The following PCLO variants were observed in gnomAD, a reference collection of about 807,000 sequenced individuals.
PCLO encodes the protein protein piccolo.
In PCLO, 82 loss-of-function variants were observed where a neutral mutation model predicts 427.5. The ratio of observed to expected loss-of-function variants is 0.19; its 90% CI spans 0.16 to 0.23. PCLO has a LOEUF of 0.23. Among genes scored for constraint, PCLO ranks in the 10% least tolerant of loss-of-function variants. The pLI is 1.00. For synonymous variants in PCLO, 2,357 were observed against 2,155.4 expected (o/e 1.09, Z -2.59); for missense variants, 6,239 against 6,115.9 (o/e 1.02, Z -0.67).
At chr7:83,151,536 C>G (rs1427178356) in intron 2 of PCLO, among the ~76,000 whole-genome samples, 1 of 152,182 alleles carries the variant, frequency 6.6e-6, no homozygotes, top group African/African-American at 2.4e-5. Context: ...CAAGTTTATT[C>G]AGTCAATAAG....
Position 82,757,098 on chromosome 7 carries a change from T to C in PCLO, c.*1477A>G, listed in dbSNP as rs1203809174. 1.3e-5 allele frequency: 2 copies of C among 152,110 alleles called. No homozygotes were observed. Among genetic ancestry groups the C allele is most frequent in the African/African-American group, 4.8e-5 (2 of 41,444 alleles). The allele number at this position is 152,110 out of a possible 1,614,324, so 9.4% of individuals were successfully genotyped here. On this transcript the variant is annotated 3_prime_UTR_variant, in exon 25 of 25. Coordinates refer to ENST00000333891, the MANE Select transcript of PCLO (RefSeq NM_033026.6). Reference sequence around the variant, plus strand: ...CATTTGGAAGGTTAAGAATATATAATTGTTTTTATCCTATAGATAAGAAAA... The same window carrying C: ...CATTTGGAAGGTTAAGAATATATAACTGTTTTTATCCTATAGATAAGAAAA...
intron 3 of PCLO, among the ~76,000 whole-genome samples, chr7:82,979,004 T>C (rs575442998): frequency 8.7e-4 from 133 of 152,200 alleles, no homozygotes; most frequent in South Asian, 2.7e-3. Flanking sequence ...ATATCAGTTA[T>C]AGAATTTAGG....
intron 10 of PCLO, among the ~76,000 whole-genome samples, chr7:82,862,703 A>G (rs1049644226): frequency 9.9e-5 from 15 of 152,042 alleles, no homozygotes; most frequent in Non-Finnish European, 1.9e-4. Flanking sequence ...CATTTGTAAC[A>G]ACATGGATGG....
intron 18 of PCLO, among the ~76,000 whole-genome samples, 168 bp downstream of exon 18, chr7:82,826,421 G>C (rs1246585476): frequency 6.6e-6 from 1 of 152,078 alleles, no homozygotes; most frequent in African/African-American, 2.4e-5. Flanking sequence ...ACCATTTCTT[G>C]AATTGGTATT....
chr7:83,040,524 A>G (rs1055214137), intron 3 of PCLO, among the ~76,000 whole-genome samples: 1 of 152,160 alleles, frequency 6.6e-6, no homozygotes, highest in African/African-American at 2.4e-5. Flanking sequence ...GATGGTTCCC[A>G]AGGACAATGT....
rs1409533931 is a variant in PCLO, at chr7:82,956,270, T to A, written c.4683A>T (p.Ile1561=). 3 of 1,612,328 alleles carry A rather than the reference T, an allele frequency of 1.9e-6. No individual in the cohort carries two copies. Among genetic ancestry groups the A allele is most frequent in the Non-Finnish European group, 2.5e-6 (3 of 1,179,876 alleles). The change falls in exon 5 of 25, where the codon ATA becomes ATT. Residue 1561 remains isoleucine (I), a synonymous_variant. Coordinates refer to ENST00000333891, the MANE Select transcript of PCLO (RefSeq NM_033026.6). ...AAGCATCTTCATCAGCACTCATTTC[T>A]ATGATTTGTTTTCGAATGAAGTCCT... ...EEEDFIRKQI[I]EMSADEDASG... is the part of the protein sequence containing the mutation.
chr7:82,942,870 T>A (rs938232323), intron 6 of PCLO, among the ~76,000 whole-genome samples: 1 of 152,050 alleles, frequency 6.6e-6, no homozygotes, highest in Non-Finnish European at 1.5e-5. Flanking sequence ...ATATGATTAT[T>A]TTTTTCTGAC....
chr7:82,971,822 A>C (rs1384124404), intron 3 of PCLO, among the ~76,000 whole-genome samples: 1 of 150,898 alleles, frequency 6.6e-6, no homozygotes, highest in East Asian at 1.9e-4. Context: ...CAAAATATAG[A>C]TGCTTAAGGA....
chr7:82,933,022 T>A (rs2116346632), intron 6 of PCLO, among the ~76,000 whole-genome samples: 1 of 152,150 alleles, frequency 6.6e-6, no homozygotes, highest in East Asian at 1.9e-4. Flanking sequence ...AAGAGACAGT[T>A]AGTTGGTACA....
chr7:83,037,683 T>C (rs1327708149), intron 3 of PCLO, among the ~76,000 whole-genome samples: 1 of 151,422 alleles, frequency 6.6e-6, no homozygotes, highest in Admixed American at 6.6e-5. Context: ...ATCCTGGGGC[T>C]CTAGCTTCCT....
Position 82,800,071 on chromosome 7 carries a change from C to T in PCLO, c.15007+1447G>A, listed in dbSNP as rs190174933. 1.3e-3 allele frequency among the ~76,000 whole-genome samples: 193 copies of T among 152,004 alleles called. 1 individual carries two copies. Among genetic ancestry groups the T allele is most frequent in the African/African-American group, 4.6e-3 (191 of 41,456 alleles). On this transcript the variant is annotated intron_variant, in intron 22 of 24. Transcript: ENST00000333891. The stretch of plus-strand genomic sequence containing the variant: ...GAGTTCATGAGTGTACACAGAGATA[C>T]GGTAGGTAAAAAGATTGGTAGATTG...
chr7:83,038,016 TA>T (rs1562932852), intron 3 of PCLO, among the ~76,000 whole-genome samples: 2,009 of 54,090 alleles, frequency 0.037, 443 homozygotes, highest in African/African-American at 0.18. Flanking sequence ...TATATATATA[TA>T]TATATATATA....
chr7:83,158,848 A>C (rs1792365083), intron 1 of PCLO, among the ~76,000 whole-genome samples: 2 of 152,158 alleles, frequency 1.3e-5, no homozygotes, highest in South Asian at 4.1e-4. Context: ...AATAAAAGTA[A>C]AACACAGAGA....
chr7:82,778,423 C>G (rs1417153669), intron 22 of PCLO, among the ~76,000 whole-genome samples: 1 of 152,072 alleles, frequency 6.6e-6, no homozygotes. Context: ...GGTATATACT[C>G]AAAGGAATAT....
chr7:83,153,305 G>C (rs531349078), intron 2 of PCLO, among the ~76,000 whole-genome samples: 14 of 151,516 alleles, frequency 9.2e-5, no homozygotes, highest in African/African-American at 3.4e-4. Flanking sequence ...ATTAATTGTA[G>C]TTTTATAAGT....
chr7:82,916,236 T>G lies in PCLO; in HGVS notation c.11750A>C (p.Gln3917Pro). ...SHFEQQTLYH[Q>P]QVSPYQTQPT... ...CTGAGTCTGATAAGGTGAAACTTGC[T>G]GATGGTACAAAGTTTGTTGCTCAAA... The change falls in exon 7 of 25, where the codon CAG becomes CCG. Residue 3917 changes from glutamine (Q) to proline (P), a missense_variant. Gln to Pro is a moderately conservative substitution (Grantham distance 76). Coordinates refer to ENST00000333891, the MANE Select transcript of PCLO (RefSeq NM_033026.6). 2 of 1,613,728 alleles carry G rather than the reference T, an allele frequency of 1.2e-6. No individual in the cohort carries two copies. The highest frequency in any genetic ancestry group is 1.7e-4 in the Middle Eastern group (1 of 6,060).
Position 82,952,034 on chromosome 7 carries a change from G to C in PCLO, c.8919C>G (p.His2973Gln). ...ATGGCCCTGATCGATCATACTGATA[G>C]TGGTCATCCCTATAACCAAAACGAT... ...PEDRFGYRDD[H>Q]YQYDRSGPYG... The change falls in exon 5 of 25, where the codon CAC (histidine) becomes CAG (glutamine). Residue 2973 changes from histidine (H) to glutamine (Q), a missense_variant. His to Gln is a conservative substitution (Grantham distance 24). Around this residue, in one of 5 missense-constraint regions of PCLO, gnomAD observed 4,677 missense variants for 4,468.4 expected, o/e 1.05. Coordinates refer to ENST00000333891, the MANE Select transcript of PCLO (RefSeq NM_033026.6). 6.2e-7 allele frequency: 1 copy of C among 1,613,942 alleles called. No individual in the cohort carries two copies. Among genetic ancestry groups the C allele is most frequent in the Non-Finnish European group, 8.5e-7 (1 of 1,179,834 alleles).
At chr7:82,985,012 TC>T (rs996790051) in intron 3 of PCLO, among the ~76,000 whole-genome samples, 3 of 152,120 alleles carry the variant, frequency 2.0e-5, no homozygotes, top group Middle Eastern at 3.4e-3. Context: ...CCATTTTATT[TC>T]CCAATCATTC....
chr7:82,854,012 G>A (rs933139850), intron 10 of PCLO, among the ~76,000 whole-genome samples: 1 of 152,090 alleles, frequency 6.6e-6, no homozygotes, highest in African/African-American at 2.4e-5. Flanking sequence ...CTTCCATTTT[G>A]TTCTTAATTA....
Sources: allele counts gnomAD v4.1 joint callset (sites outside exome capture counted in the v4.1 genomes callset), GRCh38; gene constraint gnomAD v4.1.1; regional missense constraint gnomAD v4.1.1; transcripts MANE v1.5; gene names NCBI Gene and HGNC (gene_info 2026-07-23, HGNC 2026-07-21).